The following PDE4D variants were observed in gnomAD, a reference collection of about 807,000 sequenced individuals.
PDE4D encodes phosphodiesterase 4D, also known as 3',5'-cyclic-AMP phosphodiesterase 4D.
In PDE4D, 24 loss-of-function variants were observed where a neutral mutation model predicts 87.4. That is an observed-to-expected ratio of 0.27 (90% CI 0.20 to 0.39). The LOEUF (loss-of-function observed/expected upper bound fraction) is 0.39, where lower values mean the gene tolerates loss of function less well. PDE4D is among the 10% of genes least tolerant of loss of function. The pLI is 1.00. For missense variants in PDE4D, 714 were observed against 1,041.0 expected, an observed-to-expected ratio of 0.69 and a Z score of 4.32; for synonymous variants, 384 against 383.2, an observed-to-expected ratio of 1.00 and a Z score of -0.02.
rs573444275 is a variant in PDE4D, at chr5:59,777,428, G to A, written c.455+115740C>T. Among the ~76,000 whole-genome samples, 4 of 152,304 alleles carry A rather than the reference G, an allele frequency of 2.6e-5. No individual in the cohort carries two copies. In the East Asian group the frequency reaches 7.7e-4, roughly 29 times the overall value. On this transcript the variant is annotated intron_variant, in intron 1 of 14. Coordinates refer to ENST00000340635, the MANE Select transcript of PDE4D (RefSeq NM_001104631.2). The stretch of plus-strand genomic sequence containing the variant: ...GGACAGAAAAATATTGGACTAGATG[G>A]TACTGTTGGTAAGAAGATGTATAAA...
chr5:59,889,411 T>C (rs1750634075), intron 1 of PDE4D, among the ~76,000 whole-genome samples: 1 of 151,112 alleles, frequency 6.6e-6, no homozygotes, highest in African/African-American at 2.4e-5. Flanking sequence ...AGCACATGTG[T>C]TCAAGGCTAC....
At chr5:59,166,944 A>C (rs1168482437) in intron 5 of PDE4D, among the ~76,000 whole-genome samples, 15 of 152,190 alleles carry the variant, frequency 9.9e-5, no homozygotes, top group Admixed American at 9.8e-4. Flanking sequence ...TGTTTTGAGG[A>C]TCAACAGTAA....
chr5:59,907,791 A>T (rs1464508231), intron 3 of PDE4D, among the ~76,000 whole-genome samples: 1 of 152,150 alleles, frequency 6.6e-6, no homozygotes, highest in African/African-American at 2.4e-5. Context: ...TCTGAATTCA[A>T]GGACCTAGTT....
chr5:59,751,164 G>A (rs1029408562), intron 1 of PDE4D, among the ~76,000 whole-genome samples: 1 of 152,132 alleles, frequency 6.6e-6, no homozygotes, highest in African/African-American at 2.4e-5. Flanking sequence ...GGTTTTCTGT[G>A]TCCAGCCCCT....
chr5:59,383,251 G>A (rs971704816), intron 1 of PDE4D, among the ~76,000 whole-genome samples: 6 of 152,132 alleles, frequency 3.9e-5, no homozygotes, highest in Non-Finnish European at 8.8e-5. Flanking sequence ...CCCCTATTAT[G>A]TCCCCATTCA....
At chr5:59,068,505 A>T (rs896299295) in intron 5 of PDE4D, among the ~76,000 whole-genome samples, 1 of 152,190 alleles carries the variant, frequency 6.6e-6, no homozygotes, top group Non-Finnish European at 1.5e-5. Context: ...TCTATGCCCA[A>T]GGATCCTATC....
intron 2 of PDE4D, among the ~76,000 whole-genome samples, chr5:59,196,893 A>T (rs1026345080): frequency 2.0e-5 from 3 of 152,166 alleles, no homozygotes; most frequent in Non-Finnish European, 2.9e-5. Context: ...TTGATTTGCC[A>T]GTCTGATAAA....
At position 60,149,742 on chromosome 5, in the gene PDE4D, T is replaced by A. The variant is rs1436975466; in HGVS notation, c.42+35815A>T. 2.0e-5 allele frequency among the ~76,000 whole-genome samples: 3 copies of A among 151,164 alleles called. No individual in the cohort carries two copies. In the East Asian group the frequency reaches 5.8e-4, roughly 29 times the overall value. ...ATACTCTAGGACTATGTTCCCTTCC[T>A]ATGCATTCTCATAGCATCCTATATG... On this transcript the variant is annotated intron_variant, in intron 2 of 16. Transcript: ENST00000502484.
chr5:59,217,664 G>C (rs1249439412), intron 1 of PDE4D, among the ~76,000 whole-genome samples: 1 of 152,178 alleles, frequency 6.6e-6, no homozygotes, highest in Non-Finnish European at 1.5e-5. Context: ...TCCTAGAAAA[G>C]TTAATTGACC....
chr5:60,062,155 C>T (rs1771479444), intron 2 of PDE4D, among the ~76,000 whole-genome samples: 1 of 152,036 alleles, frequency 6.6e-6, no homozygotes, highest in Non-Finnish European at 1.5e-5. Flanking sequence ...TTTTTGCAAT[C>T]TACCCATCTG....
At chr5:59,703,650 T>C (rs763354357) in intron 1 of PDE4D, 10 of 531,730 alleles carry the variant, frequency 1.9e-5, no homozygotes, top group Admixed American at 1.8e-4. Flanking sequence ...TTCAACCAGT[T>C]ACAATTAGTT....
At chr5:59,777,593 T>C (rs1260677107) in intron 1 of PDE4D, among the ~76,000 whole-genome samples, 2 of 152,194 alleles carry the variant, frequency 1.3e-5, no homozygotes, top group East Asian at 3.9e-4. Flanking sequence ...TCCCATGGGA[T>C]GCTATTGCCT....
chr5:59,170,165 G>A (rs186644018), intron 5 of PDE4D, among the ~76,000 whole-genome samples: 28 of 152,232 alleles, frequency 1.8e-4, no homozygotes, highest in African/African-American at 5.8e-4. Flanking sequence ...TTACAGGTGT[G>A]CACCACCATG....
chr5:60,069,388 A>C (rs1225490810), intron 2 of PDE4D, among the ~76,000 whole-genome samples: 5 of 152,182 alleles, frequency 3.3e-5, no homozygotes, highest in Non-Finnish European at 7.3e-5. Flanking sequence ...CCTGTGCCTC[A>C]ATTTTGGAAT....
At chr5:60,181,993 G>C (rs1270003979) in intron 2 of PDE4D, among the ~76,000 whole-genome samples, 2 of 152,128 alleles carry the variant, frequency 1.3e-5, no homozygotes. Context: ...CAGTAAGAAA[G>C]CAGGCATTAG....
At chr5:60,371,973 C>T (rs1298086331) in intron 1 of PDE4D, among the ~76,000 whole-genome samples, 1 of 152,144 alleles carries the variant, frequency 6.6e-6, no homozygotes, top group East Asian at 1.9e-4. Context: ...CACATTTCCA[C>T]TGGACTATAA....
chr5:59,216,146 T>C (rs1751207380), intron 1 of PDE4D, among the ~76,000 whole-genome samples, 178 bp from the exon 2 acceptor site: 1 of 152,160 alleles, frequency 6.6e-6, no homozygotes, highest in African/African-American at 2.4e-5. Flanking sequence ...ACACATTGAC[T>C]TCACATTCTT....
At chr5:60,217,984 T>C (rs1470748732) in intron 1 of PDE4D, among the ~76,000 whole-genome samples, 3 of 151,956 alleles carry the variant, frequency 2.0e-5, no homozygotes. Flanking sequence ...GTAAAATCCT[T>C]TGGCAGCATT....
chr5:60,519,535 C>T (rs1329800762), intron 1 of PDE4D, among the ~76,000 whole-genome samples: 3 of 152,216 alleles, frequency 2.0e-5, no homozygotes, highest in African/African-American at 7.2e-5. Flanking sequence ...TGAAATCTGG[C>T]ACAAGGTGTA....
Sources: gnomAD v4.1 joint callset for allele counts (sites outside exome capture counted in the v4.1 genomes callset) on GRCh38, gnomAD v4.1.1 for gene constraint, MANE v1.5 for transcripts, NCBI Gene and HGNC (gene_info 2026-07-23, HGNC 2026-07-21) for gene names.